The following GRIK3 variants were observed in gnomAD, a reference collection of about 807,000 sequenced individuals.
The protein encoded by GRIK3 is glutamate receptor ionotropic, kainate 3.
Under a neutral mutation model 102.5 loss-of-function variants are expected in GRIK3, and 29 were observed. That is an observed-to-expected ratio of 0.28 (90% CI 0.21 to 0.39). The LOEUF (loss-of-function observed/expected upper bound fraction) is 0.39, where lower values mean the gene tolerates loss of function less well. Ranked by LOEUF, GRIK3 falls within the 10% of genes least tolerant of loss-of-function variation. The probability of loss-of-function intolerance (pLI) is 1.00; values close to 1 mark genes in which losing one functional copy is unlikely to be tolerated. For missense variants in GRIK3, 908 were observed against 1,252.4 expected, an observed-to-expected ratio of 0.73 and a Z score of 4.15; for synonymous variants, 511 against 504.9, an observed-to-expected ratio of 1.01 and a Z score of -0.16.
At chr1:36,894,478 T>C (rs903148246) in intron 1 of GRIK3, among the ~76,000 whole-genome samples, 2 of 152,236 alleles carry the variant, frequency 1.3e-5, no homozygotes, top group African/African-American at 4.8e-5. Context: ...GTCTGGCATA[T>C]GACAAGCTTG....
At chr1:36,943,434 T>A (rs1048536769) in intron 1 of GRIK3, among the ~76,000 whole-genome samples, 1 of 152,118 alleles carries the variant, frequency 6.6e-6, no homozygotes, top group African/African-American at 2.4e-5. Flanking sequence ...GTAGCCTTCC[T>A]CTGACTCCAT....
At chr1:36,853,058 C>T (rs1378758690) in intron 8 of GRIK3, among the ~76,000 whole-genome samples, 1 of 152,190 alleles carries the variant, frequency 6.6e-6, no homozygotes, top group Non-Finnish European at 1.5e-5. Flanking sequence ...GCCTTAGAAG[C>T]CCAGAGCGAA....
At chr1:36,964,377 A>G (rs1642058307) in intron 1 of GRIK3, among the ~76,000 whole-genome samples, 1 of 152,188 alleles carries the variant, frequency 6.6e-6, no homozygotes, top group Non-Finnish European at 1.5e-5. Flanking sequence ...GGAGGAAATC[A>G]GACCATGAGG....
intron 1 of GRIK3, among the ~76,000 whole-genome samples, chr1:36,993,739 C>T (rs546810704): frequency 1.3e-5 from 2 of 152,168 alleles, no homozygotes; most frequent in African/African-American, 4.8e-5. Flanking sequence ...TTTAGGATTG[C>T]CTCAGCTAAA....
At chr1:36,825,403 C>A (rs888001376) in intron 11 of GRIK3, among the ~76,000 whole-genome samples, 200 bp downstream of exon 11, 24 of 151,928 alleles carry the variant, frequency 1.6e-4, no homozygotes, top group African/African-American at 5.6e-4. Context: ...GTGATTCAAG[C>A]GTGGGGGTGG....
intron 5 of GRIK3, among the ~76,000 whole-genome samples, chr1:36,862,709 C>T (rs1640740901): frequency 6.6e-6 from 1 of 152,180 alleles, no homozygotes; most frequent in African/African-American, 2.4e-5. Flanking sequence ...ACCACCTGGG[C>T]TCGAGTTTCA....
intron 12 of GRIK3, 86 bp from the exon 13 acceptor site, chr1:36,817,363 C>T (rs878934184): frequency 7.7e-6 from 7 of 907,774 alleles, no homozygotes; most frequent in South Asian, 5.9e-5. Flanking sequence ...TCCTCTGATA[C>T]TCTAATGAAA....
chr1:36,949,560 C>T (rs1247969620), intron 1 of GRIK3, among the ~76,000 whole-genome samples: 4 of 142,676 alleles, frequency 2.8e-5, no homozygotes, highest in Non-Finnish European at 3.1e-5. Context: ...TTTTTTCTTT[C>T]TCTCTCTCTC....
intron 1 of GRIK3, among the ~76,000 whole-genome samples, chr1:36,930,253 C>T (rs1641573330): frequency 1.3e-5 from 2 of 152,198 alleles, no homozygotes; most frequent in African/African-American, 2.4e-5. Context: ...CTGGTTTCAG[C>T]TTCTGGAACT....
intron 1 of GRIK3, among the ~76,000 whole-genome samples, chr1:37,032,621 T>C (rs1014613882): frequency 3.9e-5 from 6 of 152,110 alleles, no homozygotes; most frequent in Admixed American, 2.0e-4. Context: ...AGCCTGACCA[T>C]AAGGGTTGTC....
intron 2 of GRIK3, among the ~76,000 whole-genome samples, chr1:36,886,573 A>C (rs1042040843): frequency 1.1e-4 from 17 of 152,226 alleles, no homozygotes; most frequent in African/African-American, 3.9e-4. Context: ...GTTGCCAGTC[A>C]TAGCAGAGGG....
At chr1:36,823,564 A>G (rs1008270300) in intron 11 of GRIK3, among the ~76,000 whole-genome samples, 1 of 151,412 alleles carries the variant, frequency 6.6e-6, no homozygotes, top group African/African-American at 2.4e-5. Flanking sequence ...TCTCTCTCTC[A>G]GGATCATGAG....
intron 1 of GRIK3, 62 bp downstream of exon 1, chr1:37,033,932 G>T: frequency 1.1e-6 from 1 of 903,850 alleles, no homozygotes; most frequent in African/African-American, 1.7e-5. Context: ...CGCGTTGGGA[G>T]GCCCCCTCAT....
At chr1:36,846,752 A>C (rs1473796560) in intron 9 of GRIK3, among the ~76,000 whole-genome samples, 2 of 152,230 alleles carry the variant, frequency 1.3e-5, no homozygotes, top group Admixed American at 6.5e-5. Flanking sequence ...GCTCCAAGAC[A>C]TGCAGACCAT....
intron 5 of GRIK3, among the ~76,000 whole-genome samples, chr1:36,869,531 T>C (rs898013323): frequency 3.3e-5 from 5 of 152,184 alleles, no homozygotes; most frequent in Non-Finnish European, 5.9e-5. Flanking sequence ...GGTGTTCACA[T>C]TGGCTCCAGA....
chr1:36,912,823 T>C (rs1402325873), intron 1 of GRIK3, among the ~76,000 whole-genome samples: 1 of 152,160 alleles, frequency 6.6e-6, no homozygotes, highest in African/African-American at 2.4e-5. Context: ...TCAACATGTT[T>C]GTTAAATATA....
intron 1 of GRIK3, among the ~76,000 whole-genome samples, chr1:36,991,090 T>C (rs1193108540): frequency 6.6e-6 from 1 of 152,148 alleles, no homozygotes; most frequent in Non-Finnish European, 1.5e-5. Context: ...CCAGAGTCTG[T>C]ATCACCACTT....
intron 1 of GRIK3, among the ~76,000 whole-genome samples, chr1:36,998,979 AGTGTGTGTGTGT>A (rs768062478): frequency 2.3e-5 from 3 of 128,238 alleles, no homozygotes; most frequent in Admixed American, 7.4e-5. Context: ...GAACTTTGGA[AGTGTGTGTGTGT>A]GTGTGTGTGT....
Position 36,850,243 on chromosome 1 carries a change from C to A in GRIK3, c.1326+68G>T. ...CTGGGTGGGGGGGATAGAGGGGACT[C>A]TCCAGCCCGAACGGCCACCCCACCC... is the stretch of plus-strand genomic sequence containing the variant. On this transcript the variant is annotated intron_variant, in intron 9 of 15. Coordinates refer to ENST00000373091, the MANE Select transcript of GRIK3 (RefSeq NM_000831.4). This position sits in a 1 kb window ranked among gnomAD's most constrained non-coding sequence, Gnocchi z 4.0. 1 of 966,108 alleles carries A rather than the reference C, an allele frequency of 1.0e-6. No homozygotes were observed. 59.8% of individuals were successfully genotyped at this position (966,108 alleles called of 1,614,324 possible).
Sources: gnomAD v4.1 joint callset for allele counts (sites outside exome capture counted in the v4.1 genomes callset) on GRCh38, gnomAD v4.1.1 for gene constraint, Gnocchi (gnomAD v3.1) non-coding constraint, MANE v1.5 for transcripts, NCBI Gene and HGNC (gene_info 2026-07-23, HGNC 2026-07-21) for gene names.